The following CAMKMT variants were observed in gnomAD, a reference collection of about 807,000 sequenced individuals.
CAMKMT encodes CaM KMT.
Under a neutral mutation model 48.0 loss-of-function variants are expected in CAMKMT, and 53 were observed. That is an observed-to-expected ratio of 1.10 (90% CI 0.89 to 1.39). The LOEUF (loss-of-function observed/expected upper bound fraction) is 1.39. CAMKMT is among the 40% of genes most tolerant of loss of function. The probability of loss-of-function intolerance (pLI) is 0.00; values close to 1 mark genes in which losing one functional copy is unlikely to be tolerated. For missense variants in CAMKMT, 428 were observed against 402.7 expected (o/e 1.06, Z -0.54); for synonymous variants, 165 against 152.3 (o/e 1.08, Z -0.61).
intron 3 of CAMKMT, among the ~76,000 whole-genome samples, chr2:44,484,233 A>G (rs781673255): frequency 7.9e-5 from 12 of 151,998 alleles, no homozygotes; most frequent in Non-Finnish European, 1.3e-4. Flanking sequence ...AACGATTTTA[A>G]CGTTTATATG....
Position 44,772,203 on chromosome 2 carries a change from T to C in CAMKMT, c.*90T>C. ...GAAATCTGTAAGGGGTATAATCGCC[T>C]GCCTGCGCCCTTTGCAGCATTTCAC... On this transcript the variant is annotated 3_prime_UTR_variant, in exon 11 of 11. Coordinates refer to ENST00000378494, the MANE Select transcript of CAMKMT (RefSeq NM_024766.5). 2 of 1,058,636 alleles carry C rather than the reference T, an allele frequency of 1.9e-6. No homozygotes were observed. Among genetic ancestry groups the C allele is most frequent in the Non-Finnish European group, 1.4e-6 (1 of 695,456 alleles). 65.6% of individuals were successfully genotyped at this position (1,058,636 alleles called of 1,614,324 possible). A position where few individuals can be genotyped will look rare whatever the true frequency, so the allele number is the denominator to read the frequency against.
chr2:44,490,421 A>C (rs888042512), intron 3 of CAMKMT, among the ~76,000 whole-genome samples: 2 of 152,072 alleles, frequency 1.3e-5, no homozygotes, highest in Non-Finnish European at 2.9e-5. Flanking sequence ...GATTACAGGC[A>C]TGCGCCACCA....
At chr2:44,432,009 G>A (rs1684680068) in intron 3 of CAMKMT, among the ~76,000 whole-genome samples, 1 of 152,144 alleles carries the variant, frequency 6.6e-6, no homozygotes, top group East Asian at 1.9e-4. Context: ...CTGTGGTCCT[G>A]GGTCCAAAAA....
intron 3 of CAMKMT, among the ~76,000 whole-genome samples, chr2:44,698,158 T>C (rs1171164936): frequency 6.6e-6 from 1 of 152,262 alleles, no homozygotes. Context: ...TGGTAGTTAG[T>C]GTATTCACAC....
At chr2:44,684,397 T>G (rs188745593) in intron 3 of CAMKMT, among the ~76,000 whole-genome samples, 1 of 152,328 alleles carries the variant, frequency 6.6e-6, no homozygotes, top group East Asian at 1.9e-4. Flanking sequence ...TAGTGTATTT[T>G]GAAAACCTTT....
At chr2:44,422,030 A>G (rs1001811709) in intron 3 of CAMKMT, among the ~76,000 whole-genome samples, 1 of 151,978 alleles carries the variant, frequency 6.6e-6, no homozygotes, top group Non-Finnish European at 1.5e-5. Context: ...TACAGTTTGG[A>G]TATATGTCCC....
chr2:44,680,483 G>A (rs1347559835), intron 3 of CAMKMT, among the ~76,000 whole-genome samples: 2 of 152,170 alleles, frequency 1.3e-5, no homozygotes, highest in South Asian at 4.1e-4. Flanking sequence ...AAACAAAATA[G>A]CCCTGGTCCC....
chr2:44,475,240 AC>A (rs1179055574), intron 3 of CAMKMT, among the ~76,000 whole-genome samples: 3 of 152,158 alleles, frequency 2.0e-5, no homozygotes, highest in Non-Finnish European at 4.4e-5. Context: ...AAGTGGTTGG[AC>A]TTGTTCTGAA....
chr2:44,651,697 A>G (rs550489402), intron 3 of CAMKMT, among the ~76,000 whole-genome samples: 1 of 152,228 alleles, frequency 6.6e-6, no homozygotes, highest in Non-Finnish European at 1.5e-5. Context: ...TGTAGAAGGT[A>G]TTAGGGAGCC....
intron 2 of CAMKMT, among the ~76,000 whole-genome samples, chr2:44,381,006 A>C (rs1232118308): frequency 1.3e-5 from 2 of 152,060 alleles, no homozygotes; most frequent in Non-Finnish European, 2.9e-5. Context: ...CTAAAAATAC[A>C]AAAATTAGCC....
At chr2:44,424,823 C>T (rs377481408) in intron 3 of CAMKMT, among the ~76,000 whole-genome samples, 2 of 152,008 alleles carry the variant, frequency 1.3e-5, no homozygotes, top group Non-Finnish European at 2.9e-5. Flanking sequence ...GTATACTGCT[C>T]GGGTGATGGG....
At chr2:44,750,461 G>A (rs1335749234) in intron 8 of CAMKMT, among the ~76,000 whole-genome samples, 1 of 152,138 alleles carries the variant, frequency 6.6e-6, no homozygotes, top group Non-Finnish European at 1.5e-5. Flanking sequence ...CCTGTCTGCT[G>A]TCCCTGCTTT....
chr2:44,753,913 T>C, intron 8 of CAMKMT, 142 bp from the exon 9 acceptor site: 3 of 651,758 alleles, frequency 4.6e-6, no homozygotes, highest in Non-Finnish European at 8.2e-6. Flanking sequence ...CCCCCTCCAG[T>C]GAGACACTTG....
intron 9 of CAMKMT, among the ~76,000 whole-genome samples, chr2:44,761,338 AGATGTGTATGAGG>A (rs796201062): frequency 3.2e-4 from 48 of 152,168 alleles, no homozygotes; most frequent in African/African-American, 1.1e-3. Flanking sequence ...CTAGAGCCCA[AGATGTGTATGAGG>A]GAGTGGCAGG....
intron 3 of CAMKMT, among the ~76,000 whole-genome samples, chr2:44,570,422 T>G (rs1668843529): frequency 6.6e-6 from 1 of 152,212 alleles, no homozygotes; most frequent in Non-Finnish European, 1.5e-5. Flanking sequence ...ATACTAAATC[T>G]GTTAGAGGAA....
intron 3 of CAMKMT, among the ~76,000 whole-genome samples, chr2:44,536,401 T>A (rs1572740320): frequency 6.6e-6 from 1 of 151,944 alleles, no homozygotes; most frequent in Non-Finnish European, 1.5e-5. Context: ...CTTGGCTCAT[T>A]GCAACTTCTG....
chr2:44,418,391 T>C (rs1683713233), intron 3 of CAMKMT, among the ~76,000 whole-genome samples: 1 of 152,096 alleles, frequency 6.6e-6, no homozygotes, highest in South Asian at 2.1e-4. Context: ...TTTGAGTTAA[T>C]ATATACATAT....
chr2:44,670,571 G>A (rs991681079), intron 3 of CAMKMT, among the ~76,000 whole-genome samples: 3 of 152,174 alleles, frequency 2.0e-5, no homozygotes, highest in African/African-American at 7.2e-5. Flanking sequence ...AGGATCAGTT[G>A]AGCCCCAGTG....
chr2:44,772,059 A>C lies in CAMKMT; in HGVS notation c.918A>C (p.Ile306=). The C allele has an allele frequency of 6.2e-7, 1 of 1,613,768 alleles. No individual in the cohort carries two copies. The highest frequency in any genetic ancestry group is 2.2e-5 in the East Asian group (1 of 44,888). Residue 306 remains isoleucine, a synonymous_variant, in exon 11 of 11, where the codon ATA becomes ATC. Transcript: ENST00000378494. ...AGTTGAAAAAGGAAAACCCGGACAT[A>C]TATGAAGAAAACCTTCATTACCCGC... is the stretch of plus-strand genomic sequence containing the variant. ...HSKLKKENPD[I]YEENLHYPLL...
Sources: allele counts gnomAD v4.1 joint callset (sites outside exome capture counted in the v4.1 genomes callset), GRCh38; gene constraint gnomAD v4.1.1; transcripts MANE v1.5; gene names NCBI Gene and HGNC (gene_info 2026-07-23, HGNC 2026-07-21).